ARB2A: variants seen among roughly 807,000 people sequenced by gnomAD.
ARB2A encodes the protein ARB2 cotranscriptional regulator A.
the ARB2A span, among the ~76,000 whole-genome samples, chr5:93,634,456 T>C: frequency 1.3e-5 from 2 of 151,604 alleles, no homozygotes; most frequent in Non-Finnish European, 2.9e-5. Flanking sequence ...AAAGACAAGC[T>C]GAAGAAAGCA....
the ARB2A span, among the ~76,000 whole-genome samples, chr5:93,700,126 T>C: frequency 6.6e-6 from 1 of 152,202 alleles, no homozygotes; most frequent in Non-Finnish European, 1.5e-5. Flanking sequence ...TAGAATCCTA[T>C]CATTTTTAAG....
At chr5:93,779,711 G>A in the ARB2A span, among the ~76,000 whole-genome samples, 1 of 152,084 alleles carries the variant, frequency 6.6e-6, no homozygotes, top group Admixed American at 6.5e-5. Context: ...ATGTTTCTCT[G>A]GGTCTGAAGG....
the ARB2A span, among the ~76,000 whole-genome samples, chr5:93,928,773 T>G: frequency 6.6e-6 from 1 of 152,064 alleles, no homozygotes; most frequent in Non-Finnish European, 1.5e-5. Context: ...TTTATGAAGG[T>G]TCCAAATTTA....
chr5:93,869,292 A>T, the ARB2A span, among the ~76,000 whole-genome samples: 2 of 152,268 alleles, frequency 1.3e-5, no homozygotes, highest in East Asian at 3.9e-4. Flanking sequence ...GAGTAGAGAG[A>T]GGGGCTAATA....
the ARB2A span, among the ~76,000 whole-genome samples, chr5:93,989,623 A>G: frequency 2.6e-5 from 4 of 152,138 alleles, no homozygotes; most frequent in African/African-American, 9.7e-5. Flanking sequence ...TCTGATCCAC[A>G]TCGTCTCTGT....
At chr5:93,676,274 C>A in the ARB2A span, among the ~76,000 whole-genome samples, 1 of 151,818 alleles carries the variant, frequency 6.6e-6, no homozygotes, top group African/African-American at 2.4e-5. Flanking sequence ...CATTACAGCA[C>A]CTGTTCCCCT....
chr5:93,910,931 T>C, the ARB2A span: 1 of 151,530 alleles, frequency 6.6e-6, no homozygotes, highest in South Asian at 2.1e-4. Flanking sequence ...ATAAAAACAG[T>C]TTAATGTTCA....
chr5:94,104,850 G>A, the ARB2A span, among the ~76,000 whole-genome samples: 1 of 151,954 alleles, frequency 6.6e-6, no homozygotes, highest in African/African-American at 2.4e-5. Flanking sequence ...GTCAACATAT[G>A]TAAATCAGTA....
the ARB2A span, among the ~76,000 whole-genome samples, chr5:93,759,556 G>A: frequency 7.2e-5 from 11 of 152,262 alleles, no homozygotes; most frequent in Non-Finnish European, 1.2e-4. Flanking sequence ...CCATGATCAC[G>A]TGGGTTTCAT....
chr5:93,997,623 C>A, the ARB2A span, among the ~76,000 whole-genome samples: 1 of 151,928 alleles, frequency 6.6e-6, no homozygotes, highest in African/African-American at 2.4e-5. Context: ...AATTGTAACT[C>A]CTGGAAAAAG....
the ARB2A span, among the ~76,000 whole-genome samples, chr5:93,643,907 C>T: frequency 6.6e-6 from 1 of 152,224 alleles, no homozygotes; most frequent in East Asian, 1.9e-4. Context: ...TAAGTATTTA[C>T]TATATTCCTG....
chr5:93,792,175 T>A, the ARB2A span, among the ~76,000 whole-genome samples: 6 of 152,342 alleles, frequency 3.9e-5, no homozygotes, highest in Non-Finnish European at 8.8e-5. Flanking sequence ...GTGATCATCA[T>A]GTTGACTTGT....
At chr5:93,907,716 T>C in the ARB2A span, among the ~76,000 whole-genome samples, 2 of 151,468 alleles carry the variant, frequency 1.3e-5, no homozygotes, top group South Asian at 2.1e-4. Flanking sequence ...TCTCTTTTCA[T>C]ATTTTTACAA....
the ARB2A span, among the ~76,000 whole-genome samples, chr5:93,859,209 T>G: frequency 1.1e-4 from 17 of 152,282 alleles, no homozygotes; most frequent in East Asian, 3.3e-3. Flanking sequence ...AAAAAATTAA[T>G]GATGCCTATC....
chr5:93,856,498 T>C, the ARB2A span, among the ~76,000 whole-genome samples: 1 of 152,340 alleles, frequency 6.6e-6, no homozygotes, highest in Admixed American at 6.5e-5. Flanking sequence ...TTCTTTTTTC[T>C]CTAAACTTCC....
chr5:93,813,217 A>AAC, the ARB2A span, among the ~76,000 whole-genome samples: 1 of 152,226 alleles, frequency 6.6e-6, no homozygotes, highest in Middle Eastern at 3.2e-3. Flanking sequence ...TGAAAATGAG[A>AAC]AACATGTTAC....
At chr5:94,040,911 T>G in the ARB2A span, among the ~76,000 whole-genome samples, 1 of 152,076 alleles carries the variant, frequency 6.6e-6, no homozygotes, top group South Asian at 2.1e-4. Flanking sequence ...TCACACGTAT[T>G]TTGCTCTGGC....
chr5:93,736,492 CT>C, the ARB2A span: 2 of 152,170 alleles, frequency 1.3e-5, no homozygotes, highest in African/African-American at 2.4e-5. Context: ...TGGTTTAAAA[CT>C]TATTTTCATC....
At chr5:93,890,718 C>T in the ARB2A span, among the ~76,000 whole-genome samples, 5 of 151,940 alleles carry the variant, frequency 3.3e-5, no homozygotes, top group Admixed American at 6.6e-5. Context: ...TCAACCCTTC[C>T]AGCCCTGGCT....
Sources: gnomAD v4.1 joint callset for allele counts (sites outside exome capture counted in the v4.1 genomes callset) on GRCh38, gnomAD v4.1.1 for gene constraint, MANE v1.5 for transcripts, NCBI Gene and HGNC (gene_info 2026-07-23, HGNC 2026-07-21) for gene names.